The following CCDC57 variants were observed in gnomAD, a reference collection of about 807,000 sequenced individuals.
CCDC57 encodes the protein coiled-coil domain containing 57, also known as coiled-coil domain-containing protein 57.
Under a neutral mutation model 118.9 loss-of-function variants are expected in CCDC57, and 118 were observed. That is an observed-to-expected ratio of 0.99 (90% CI 0.86 to 1.16). The LOEUF is 1.16. CCDC57 is among the 50% of genes most tolerant of loss of function. CCDC57 has a pLI of 0.00. For synonymous variants in CCDC57, 527 were observed against 532.9 expected (o/e 0.99, Z 0.15); for missense variants, 1,300 against 1,320.7 (o/e 0.98, Z 0.24).
intron 1 of CCDC57, among the ~76,000 whole-genome samples, chr17:82,210,711 A>G (rs1361371509): frequency 6.7e-6 from 1 of 149,648 alleles, no homozygotes; most frequent in East Asian, 2.0e-4. Flanking sequence ...AAAAAAAAAA[A>G]AGGCCGGGCA....
At chr17:82,144,717 A>C (rs1398336463) in intron 16 of CCDC57, among the ~76,000 whole-genome samples, 1 of 152,252 alleles carries the variant, frequency 6.6e-6, no homozygotes, top group Non-Finnish European at 1.5e-5. Context: ...GTGTCATTTA[A>C]CTAATAAATT....
chr17:82,107,528 C>A, intron 19 of CCDC57: 1 of 470,876 alleles, frequency 2.1e-6, no homozygotes, highest in South Asian at 1.5e-5. Flanking sequence ...AGGAAGAGGC[C>A]CCCAGGTAGG....
intron 4 of CCDC57, among the ~76,000 whole-genome samples, chr17:82,197,550 C>T (rs1460715502): frequency 6.6e-6 from 1 of 152,154 alleles, no homozygotes; most frequent in African/African-American, 2.4e-5. Flanking sequence ...GTAAATAATT[C>T]ATGTTTTTAA....
chr17:82,179,123 C>T, exon 10 of CCDC57: 1 of 1,613,998 alleles, frequency 6.2e-7, no homozygotes, highest in Non-Finnish European at 8.5e-7. Context: ...AGTCCAGGCC[C>T]AGCTGCACCT....
intron 16 of CCDC57, among the ~76,000 whole-genome samples, chr17:82,136,279 C>T (rs1277778656): frequency 2.0e-4 from 31 of 152,268 alleles, no homozygotes; most frequent in Non-Finnish European, 4.4e-5. Context: ...GTGCAGACGC[C>T]CCAGCACGAG....
chr17:82,103,871 C>T (rs1376284400), intron 19 of CCDC57, among the ~76,000 whole-genome samples: 2 of 152,070 alleles, frequency 1.3e-5, no homozygotes, highest in Admixed American at 6.5e-5. Context: ...CTGGCCCCCT[C>T]CCCAGGGCAG....
intron 16 of CCDC57, among the ~76,000 whole-genome samples, chr17:82,139,005 C>T (rs540096951): frequency 2.0e-5 from 3 of 152,222 alleles, no homozygotes; most frequent in South Asian, 2.1e-4. Context: ...ACTAGGCAGA[C>T]GGCCACCGCC....
exon 16 of CCDC57, chr17:82,151,670 A>G: frequency 6.5e-7 from 1 of 1,550,340 alleles, no homozygotes; most frequent in African/African-American, 1.4e-5. Flanking sequence ...CTTTCTCTGG[A>G]GTCGGTGCAT....
chr17:82,172,977 G>A lies in CCDC57; in HGVS notation c.1507-117C>T. ...TCGGGCCGGTCCCCCGCTTCAGCTT[G>A]GGCTGTGGTCCCTCCCCATCCCCAG... On this transcript the variant is annotated intron_variant, in intron 11 of 19. Transcript: ENST00000665763. The surrounding 1 kb of genome is among the most constrained non-coding windows in gnomAD (Gnocchi z 5.2). 1.1e-6 allele frequency: 1 copy of A among 874,614 alleles called. No homozygotes were observed. Among genetic ancestry groups the A allele is most frequent in the Non-Finnish European group, 1.8e-6 (1 of 545,652 alleles). 54.2% of individuals were successfully genotyped at this position (874,614 alleles called of 1,614,324 possible).
At chr17:82,163,115 G>A (rs1266042472) in intron 14 of CCDC57, 85 bp downstream of exon 13, 14 of 1,522,164 alleles carry the variant, frequency 9.2e-6, no homozygotes, top group Non-Finnish European at 9.9e-6. Context: ...ACCTGGGGTC[G>A]CACCGGGCAG....
chr17:82,123,368 A>AT (rs1341571603), intron 19 of CCDC57, among the ~76,000 whole-genome samples: 1 of 146,234 alleles, frequency 6.8e-6, no homozygotes, highest in East Asian at 2.0e-4. Context: ...AGTTCAAGCG[A>AT]TCCTCCCACT....
rs141760654 is a variant in CCDC57 at position 82,184,016 on chromosome 17, T to TGCGCGC, written c.1053-90_1053-85dup. The TGCGCGC allele has an allele frequency of 5.4e-3, 1,657 of 305,692 alleles. 84 individuals are homozygous for TGCGCGC. Among genetic ancestry groups the TGCGCGC allele is most frequent in the Non-Finnish European group, 6.9e-3 (1,136 of 165,126 alleles). The allele number at this position is 305,692 out of a possible 1,614,324, so 18.9% of individuals were successfully genotyped here. ...CACAGCACCCCCCAGCAAATACACA[T>TGCGCGC]GCGCGCGCGCGCGCGCACACACACA... On this transcript the variant is annotated intron_variant, in intron 8 of 19. Transcript: ENST00000665763.
chr17:82,200,013 C>T (rs1030756381), intron 3 of CCDC57, among the ~76,000 whole-genome samples: 3 of 152,202 alleles, frequency 2.0e-5, no homozygotes, highest in Admixed American at 6.5e-5. Context: ...ACTGCAGACG[C>T]GATCCCTGCG....
chr17:82,210,998 A>G lies in CCDC57; in HGVS notation c.-211+1787T>C, dbSNP rs1353558895. Among the ~76,000 whole-genome samples the G allele has an allele frequency of 2.3e-4, 19 of 83,488 alleles. 1 individual carries two copies. Among genetic ancestry groups the G allele is most frequent in the Non-Finnish European group, 4.2e-4 (19 of 45,728 alleles). The allele number at this position is 83,488 out of a possible 152,430, so 54.8% of individuals were successfully genotyped here. The stretch of plus-strand genomic sequence containing the variant: ...GGCAAAGAGAGACTCCGTCTTAAAA[A>G]AAAAAAAAAAAGAAAAAAAAAAAAG... On this transcript the variant is annotated intron_variant, in intron 1 of 19. Coordinates refer to ENST00000665763, the Ensembl canonical transcript of CCDC57.
chr17:82,106,363 C>T (rs1309044082), intron 19 of CCDC57: 2 of 152,406 alleles, frequency 1.3e-5, no homozygotes, highest in Non-Finnish European at 2.9e-5. Context: ...CGGCTCCCGA[C>T]CAGAGCCCAT....
intron 16 of CCDC57, among the ~76,000 whole-genome samples, chr17:82,143,687 G>T (rs1481599505): frequency 6.6e-6 from 1 of 152,050 alleles, no homozygotes; most frequent in African/African-American, 2.4e-5. Flanking sequence ...CCTAAAATTT[G>T]GTCCTAAAAT....
At chr17:82,186,993 C>A (rs780679188) in intron 8 of CCDC57, among the ~76,000 whole-genome samples, 1 of 151,728 alleles carries the variant, frequency 6.6e-6, no homozygotes, top group Non-Finnish European at 1.5e-5. Context: ...AATCCCAGCA[C>A]TTTGGGAGGC....
chr17:82,141,242 G>A (rs954055104), intron 16 of CCDC57, among the ~76,000 whole-genome samples: 1 of 149,530 alleles, frequency 6.7e-6, no homozygotes. Flanking sequence ...GGAGTGCAAT[G>A]GCATGATCTC....
chr17:82,193,543 A>T (rs1269014279), intron 7 of CCDC57, among the ~76,000 whole-genome samples: 1 of 144,710 alleles, frequency 6.9e-6, no homozygotes, highest in East Asian at 2.0e-4. Flanking sequence ...AGACCCTGTC[A>T]AAAAAAAAAA....
Sources: gnomAD v4.1 joint callset for allele counts (sites outside exome capture counted in the v4.1 genomes callset) on GRCh38, gnomAD v4.1.1 for gene constraint, Gnocchi (gnomAD v3.1) non-coding constraint, MANE v1.5 for transcripts, NCBI Gene and HGNC (gene_info 2026-07-23, HGNC 2026-07-21) for gene names.